Variants in ELAC2 observed in about 807,000 individuals in gnomAD.
ELAC2 encodes elaC ribonuclease Z 2.
In ELAC2, 92 loss-of-function variants were observed where a neutral mutation model predicts 105.2. The observed-to-expected ratio is 0.87, with a 90% CI of 0.74 to 1.04. The LOEUF (loss-of-function observed/expected upper bound fraction) is 1.04, where lower values mean the gene tolerates loss of function less well. ELAC2 is among the 50% of genes least tolerant of loss of function. ELAC2 has a pLI of 0.00. For synonymous variants in ELAC2, 468 were observed against 409.1 expected (o/e 1.14, Z -1.74); for missense variants, 1,099 against 1,071.7 (o/e 1.03, Z -0.36).
intron 8 of ELAC2, among the ~76,000 whole-genome samples, chr17:13,007,124 GAA>G (rs10713763): frequency 3.9e-4 from 45 of 116,248 alleles, no homozygotes; most frequent in Admixed American, 1.1e-3. Flanking sequence ...AAAAGAAAAA[GAA>G]AAAAAAAAAA....
At position 13,004,921 on chromosome 17, in the gene ELAC2, A is replaced by T. The variant is rs183968095; in HGVS notation, c.983+68T>A. ...TCCCAGAAACACAGCTCTTGCCACA[A>T]GATGCCCATGTCGATGCTGGGCTGG... On this transcript the variant is annotated intron_variant, in intron 11 of 23. Transcript: ENST00000338034. 819 of 1,223,232 alleles carry T rather than the reference A, an allele frequency of 6.7e-4. 14 individuals carry two copies. In the South Asian group the frequency reaches 9.3e-3, roughly 14 times the overall value. The allele number at this position is 1,223,232 out of a possible 1,614,324, so 75.8% of individuals were successfully genotyped here.
Position 12,995,731 on chromosome 17 carries a change from G to C in ELAC2, c.1780C>G (p.Gln594Glu), listed in dbSNP as rs1435693717. ...LKAWLQQYHN[Q>E]CQEVLHHISM... The stretch of plus-strand genomic sequence containing the variant: ...ATGTGGTGCAGGACCTCCTGGCACT[G>C]GTTGTGGTACTGCTGGAGCCAGGCT... The change falls in exon 19 of 24, where the codon CAG becomes GAG. Residue 594 changes from glutamine (Q) to glutamate (E), a missense_variant. Coordinates refer to ENST00000338034, the MANE Select transcript of ELAC2 (RefSeq NM_018127.7). The C allele has an allele frequency of 6.2e-7, 1 of 1,612,638 alleles. No homozygotes were observed. Among genetic ancestry groups the C allele is most frequent in the Non-Finnish European group, 8.5e-7 (1 of 1,179,442 alleles).
At chr17:13,000,405 T>A in intron 14 of ELAC2, 131 bp from the exon 15 acceptor site, 1 of 856,488 alleles carries the variant, frequency 1.2e-6, no homozygotes, top group Non-Finnish European at 2.0e-6. Flanking sequence ...CACTGAAGGT[T>A]AAGTGACTAG....
intron 8 of ELAC2, 134 bp from the exon 9 acceptor site, chr17:13,006,113 G>A: frequency 1.1e-6 from 1 of 895,010 alleles, no homozygotes; most frequent in Non-Finnish European, 1.8e-6. Flanking sequence ...GCTCACGCCT[G>A]TAATTCCAGT....
At chr17:12,993,190 A>G (rs943992402) in intron 23 of ELAC2, 145 bp from the exon 24 acceptor site, 1 of 920,582 alleles carries the variant, frequency 1.1e-6, no homozygotes, top group African/African-American at 1.6e-5. Flanking sequence ...CTGAAATGGA[A>G]AAAAGAATGG....
intron 7 of ELAC2, 144 bp downstream of exon 7, chr17:13,011,518 AC>A: frequency 7.2e-7 from 1 of 1,383,478 alleles, no homozygotes; most frequent in South Asian, 1.2e-5. Context: ...CATTCCCCCA[AC>A]GGGCCAAGTT....
intron 8 of ELAC2, among the ~76,000 whole-genome samples, chr17:13,007,634 T>C (rs1054209954): frequency 2.6e-5 from 4 of 152,168 alleles, no homozygotes; most frequent in East Asian, 1.9e-4. Flanking sequence ...TCCCAGCACT[T>C]TGGGAGGCTG....
At chr17:13,006,949 G>T (rs1227442317) in intron 8 of ELAC2, among the ~76,000 whole-genome samples, 6 of 151,840 alleles carry the variant, frequency 4.0e-5, no homozygotes, top group Non-Finnish European at 8.8e-5. Context: ...GTGAATCCCT[G>T]TCACTACTAA....
chr17:12,996,118 C>T, intron 17 of ELAC2, 140 bp from the exon 18 acceptor site: 1 of 925,954 alleles, frequency 1.1e-6, no homozygotes, highest in Non-Finnish European at 1.7e-6. Flanking sequence ...GTGGGGGTGG[C>T]ACAGGCCGAG....
chr17:13,013,303 T>C lies in ELAC2; in HGVS notation c.491-28A>G, dbSNP rs756378961. ...ACAAGAAAACCACACAACAGCAAAG[T>C]GATTGCATTAGTGAAGATGTGTGGG... On this transcript the variant is annotated intron_variant, in intron 5 of 23. Transcript: ENST00000338034. 3.8e-6 allele frequency: 6 copies of C among 1,597,602 alleles called. No homozygotes were observed. The African/African-American group carries it at 4.0e-5, about 11-fold the overall frequency.
intron 13 of ELAC2, 37 bp from the exon 14 acceptor site, chr17:13,002,396 AG>A (rs2040864035): frequency 6.2e-7 from 1 of 1,613,980 alleles, no homozygotes; most frequent in African/African-American, 1.3e-5. Flanking sequence ...AGAGAAAGAG[AG>A]GGGACGAGAG....
At chr17:13,002,086 C>T (rs930461238) in intron 14 of ELAC2, among the ~76,000 whole-genome samples, 188 bp downstream of exon 14, 13 of 152,354 alleles carry the variant, frequency 8.5e-5, no homozygotes, top group African/African-American at 2.9e-4. Context: ...TAAATTCACG[C>T]TGGCACACAG....
At chr17:13,017,017 C>A in intron 2 of ELAC2, 54 bp downstream of exon 2, 6 of 1,612,226 alleles carry the variant, frequency 3.7e-6, no homozygotes, top group South Asian at 1.1e-5. Flanking sequence ...CCTCTCATTT[C>A]GGCTTTCAAG....
At chr17:13,014,588 A>T in intron 4 of ELAC2, 92 bp from the exon 5 acceptor site, 1 of 906,484 alleles carries the variant, frequency 1.1e-6, no homozygotes, top group South Asian at 1.3e-5. Flanking sequence ...AATAGGTATC[A>T]ACATAAAACA....
chr17:12,994,372 G>A (rs755559592), intron 22 of ELAC2, 53 bp downstream of exon 22: 6 of 1,597,326 alleles, frequency 3.8e-6, no homozygotes, highest in South Asian at 2.2e-5. Context: ...TCAGTGTCAC[G>A]TAGTGGGGGA....
At chr17:13,000,306 C>G (rs371133505) in intron 14 of ELAC2, 32 bp from the exon 15 acceptor site, 6 of 1,599,446 alleles carry the variant, frequency 3.8e-6, no homozygotes, top group Non-Finnish European at 5.1e-6. Flanking sequence ...TCTCAGGTGA[C>G]GGACAGGGTA....
At position 12,994,867 on chromosome 17, in the gene ELAC2, C is replaced by T. The variant is rs767556327; in HGVS notation, c.1926G>A (p.Val642=). Residue 642 remains valine (V), a synonymous_variant, in exon 21 of 24, where the codon GTG becomes GTA. Transcript: ENST00000338034. The part of the protein sequence containing the change: ...CDLEEFQTCL[V]RHCKHAFGCA... ...AGCCAAACGCATGCTTGCAGTGCCG[C>T]ACCAGACAGGTCTGAAACTGAAAGG... The T allele has an allele frequency of 6.2e-7, 1 of 1,614,090 alleles. No homozygotes were observed. The highest frequency in any genetic ancestry group is 8.5e-7 in the Non-Finnish European group (1 of 1,180,032).
Position 13,002,596 on chromosome 17 carries a change from C to G in ELAC2, c.1080-17G>C, listed in dbSNP as rs772301440. ...GGCCCAAACCTGTGAAGAAACAGAC[C>G]CGGCATTTGCAGCGTCTGTTAGGAG... is the stretch of plus-strand genomic sequence containing the variant. On this transcript the variant is annotated splice_polypyrimidine_tract_variant and intron_variant, in intron 12 of 23. Transcript: ENST00000338034. The G allele has an allele frequency of 1.6e-5, 26 of 1,588,320 alleles. No homozygotes were observed. The Admixed American group carries it at 4.5e-4, about 28-fold the overall frequency.
intron 18 of ELAC2, 32 bp from the exon 19 acceptor site, chr17:12,995,844 GACAGA>G: frequency 1.9e-6 from 3 of 1,591,856 alleles, no homozygotes; most frequent in Non-Finnish European, 1.7e-6. Context: ...CCGACTCGAC[GACAGA>G]ACATCTCAAT....
Sources: gnomAD v4.1 joint callset for allele counts (sites outside exome capture counted in the v4.1 genomes callset) on GRCh38, gnomAD v4.1.1 for gene constraint, MANE v1.5 for transcripts, NCBI Gene and HGNC (gene_info 2026-07-23, HGNC 2026-07-21) for gene names.